The following ATP2B2 variants were observed in gnomAD, a reference collection of about 807,000 sequenced individuals.
ATP2B2 encodes ATPase plasma membrane Ca2+ transporting 2.
Under a neutral mutation model 120.0 loss-of-function variants are expected in ATP2B2, and 15 were observed. That is an observed-to-expected ratio of 0.12 (90% CI 0.08 to 0.19). The LOEUF (loss-of-function observed/expected upper bound fraction) is 0.19, where lower values mean the gene tolerates loss of function less well. ATP2B2 is among the 10% of genes least tolerant of loss of function. ATP2B2 has a pLI of 1.00. For missense variants in ATP2B2, 1,045 were observed against 1,719.8 expected, an observed-to-expected ratio of 0.61 and a Z score of 6.94; for synonymous variants, 694 against 700.3, an observed-to-expected ratio of 0.99 and a Z score of 0.14.
chr3:10,556,336 G>C (rs1444193579), intron 2 of ATP2B2, among the ~76,000 whole-genome samples: 1 of 152,204 alleles, frequency 6.6e-6, no homozygotes, highest in Non-Finnish European at 1.5e-5. Context: ...CACTAGCACT[G>C]GGGGGACAAG....
chr3:10,516,990 TAAAA>T (rs1300517182), intron 3 of ATP2B2, among the ~76,000 whole-genome samples: 1 of 151,364 alleles, frequency 6.6e-6, no homozygotes, highest in Admixed American at 6.6e-5. Context: ...GTGTGTTTCT[TAAAA>T]AAAGCCACAG....
intron 1 of ATP2B2, among the ~76,000 whole-genome samples, chr3:10,491,425 C>T: frequency 6.6e-6 from 1 of 152,092 alleles, no homozygotes; most frequent in East Asian, 1.9e-4. Flanking sequence ...GGGGTTTCAC[C>T]ATATTGGCCA....
Position 10,371,943 on chromosome 3 carries a change from T to C in ATP2B2, c.1525A>G (p.Met509Val), listed in dbSNP as rs2061256198. 6.2e-7 allele frequency: 1 copy of C among 1,614,116 alleles called. No individual in the cohort carries two copies. Among genetic ancestry groups the C allele is most frequent in the Non-Finnish European group, 8.5e-7 (1 of 1,180,042 alleles). Residue 509 changes from methionine to valine, a missense_variant, in exon 12 of 23, where the codon ATG becomes GTG. Transcript: ENST00000360273. ...DKTGTLTTNR[M>V]TVVQAYVGDV... ...CCGACATAGGCCTGTACCACTGTCA[T>C]GCGATTGGTGGTCAGCGTGCCTGTC... is the stretch of plus-strand genomic sequence containing the variant.
intron 3 of ATP2B2, among the ~76,000 whole-genome samples, chr3:10,529,820 T>C (rs1349523644): frequency 2.0e-5 from 3 of 152,022 alleles, no homozygotes; most frequent in African/African-American, 4.8e-5. Context: ...TTGGTGTCCT[T>C]ACAAAAAGGG....
rs571688516 is a variant in ATP2B2, at chr3:10,398,395, C to T, written c.781+2558G>A. Among the ~76,000 whole-genome samples, 14 of 152,388 alleles carry T rather than the reference C, an allele frequency of 9.2e-5. No individual in the cohort carries two copies. In the East Asian group the frequency reaches 2.5e-3, roughly 27 times the overall value. ...TCCAGCCAGATGGAGACCAAGGCCG[C>T]TGGTTCAGCTTGGGCTCAGAGGGCC... On this transcript the variant is annotated intron_variant, in intron 5 of 22. Coordinates refer to ENST00000360273, the MANE Select transcript of ATP2B2 (RefSeq NM_001001331.4).
intron 3 of ATP2B2, among the ~76,000 whole-genome samples, chr3:10,406,631 A>C (rs971741954): frequency 7.9e-5 from 12 of 152,216 alleles, no homozygotes; most frequent in African/African-American, 2.9e-4. Context: ...ATGTGTAAGC[A>C]CACTCTACAA....
At chr3:10,515,180 C>G (rs775917592) in intron 3 of ATP2B2, among the ~76,000 whole-genome samples, 1 of 152,262 alleles carries the variant, frequency 6.6e-6, no homozygotes, top group African/African-American at 2.4e-5. Flanking sequence ...AGTCACTTGG[C>G]CAATGTGAAC....
In ATP2B2 at chr3:10,590,309, G is replaced by A. The variant is rs549497480; in HGVS notation, c.-415+29608C>T. Among the ~76,000 whole-genome samples the A allele has an allele frequency of 2.0e-5, 3 of 152,332 alleles. No individual in the cohort carries two copies. In the East Asian group the frequency reaches 5.8e-4, roughly 29 times the overall value. ...CAAAGTGACGAGGGGTAAATTTGGG[G>A]GGTAATGGAACTGCTCTGTGCCTTG... is the stretch of plus-strand genomic sequence containing the variant. On this transcript the variant is annotated intron_variant, in intron 2 of 21. Transcript: ENST00000646379.
chr3:10,498,962 C>T (rs1157636557), intron 1 of ATP2B2, among the ~76,000 whole-genome samples: 5 of 152,208 alleles, frequency 3.3e-5, no homozygotes, highest in African/African-American at 1.2e-4. Context: ...CCATTTGAGA[C>T]ATTACCTACC....
chr3:10,501,373 G>GCTT (rs2066384827), intron 1 of ATP2B2, among the ~76,000 whole-genome samples: 4 of 143,802 alleles, frequency 2.8e-5, no homozygotes, highest in Non-Finnish European at 6.1e-5. Context: ...TTTTTAAACG[G>GCTT]TTTTTTTTTT....
intron 1 of ATP2B2, among the ~76,000 whole-genome samples, chr3:10,639,065 A>G (rs1018489410): frequency 6.6e-6 from 1 of 152,214 alleles, no homozygotes; most frequent in Non-Finnish European, 1.5e-5. Context: ...CTATTGGGGT[A>G]AACGTTTGCA....
At chr3:10,355,424 G>A (rs2060687788) in intron 14 of ATP2B2, among the ~76,000 whole-genome samples, 2 of 152,140 alleles carry the variant, frequency 1.3e-5, no homozygotes, top group South Asian at 2.1e-4. Context: ...TGGCCCATGT[G>A]GATGCCCTGA....
intron 19 of ATP2B2, among the ~76,000 whole-genome samples, chr3:10,341,770 C>T (rs1043761898): frequency 6.6e-6 from 1 of 152,244 alleles, no homozygotes; most frequent in Non-Finnish European, 1.5e-5. Context: ...TCTCCAACCC[C>T]TCCACCTCCT....
At chr3:10,385,917 C>T (rs1178764688) in intron 7 of ATP2B2, among the ~76,000 whole-genome samples, 1 of 152,172 alleles carries the variant, frequency 6.6e-6, no homozygotes, top group Non-Finnish European at 1.5e-5. Context: ...ATGTGAGATG[C>T]CCCCCAAATT....
At chr3:10,665,662 AG>A (rs2070910821) in intron 1 of ATP2B2, among the ~76,000 whole-genome samples, 1 of 152,204 alleles carries the variant, frequency 6.6e-6, no homozygotes, top group South Asian at 2.1e-4. Context: ...ACTGCATTTG[AG>A]GTTGCTTGGA....
Position 10,324,487 on chromosome 3 carries a change from A to C in ATP2B2, c.*4327T>G, listed in dbSNP as rs1317204750. ...CAGGAGAGCTTGGTTTGGAACTTTG[A>C]AAAGGCCTGGGGACTTCCTGCTATT... is the stretch of plus-strand genomic sequence containing the variant. On this transcript the variant is annotated 3_prime_UTR_variant, in exon 23 of 23. Transcript: ENST00000360273. 2 of 152,206 alleles carry C rather than the reference A, an allele frequency of 1.3e-5. No homozygotes were observed. Among genetic ancestry groups the C allele is most frequent in the Non-Finnish European group, 2.9e-5 (2 of 68,050 alleles). 9.4% of individuals were successfully genotyped at this position (152,206 alleles called of 1,614,324 possible).
At chr3:10,356,400 G>A (rs1026336334) in intron 14 of ATP2B2, among the ~76,000 whole-genome samples, 3 of 152,156 alleles carry the variant, frequency 2.0e-5, no homozygotes, top group African/African-American at 7.2e-5. Flanking sequence ...AGTGGGTGGT[G>A]ACCAACATTT....
chr3:10,500,043 C>G (rs1218985993), intron 1 of ATP2B2, among the ~76,000 whole-genome samples: 1 of 149,254 alleles, frequency 6.7e-6, no homozygotes. Context: ...TCAAATGATT[C>G]TCCTGTCTCA....
intron 1 of ATP2B2, among the ~76,000 whole-genome samples, chr3:10,644,163 C>T (rs2070250893): frequency 6.6e-6 from 1 of 152,118 alleles, no homozygotes; most frequent in African/African-American, 2.4e-5. Flanking sequence ...AACCAGCAAA[C>T]ACATGAAAAT....
Sources: allele counts gnomAD v4.1 joint callset (sites outside exome capture counted in the v4.1 genomes callset), GRCh38; gene constraint gnomAD v4.1.1; transcripts MANE v1.5; gene names NCBI Gene and HGNC (gene_info 2026-07-23, HGNC 2026-07-21).